Variants in ZFYVE26 observed in about 807,000 individuals in gnomAD.
The protein encoded by ZFYVE26 is zinc finger FYVE-type containing 26, also known as zinc finger FYVE domain-containing protein 26.
Under a neutral mutation model 276.5 loss-of-function variants are expected in ZFYVE26, and 181 were observed. That is an observed-to-expected ratio of 0.65 (90% CI 0.58 to 0.74). The LOEUF (loss-of-function observed/expected upper bound fraction) is 0.74, where lower values mean the gene tolerates loss of function less well. ZFYVE26 is among the 30% of genes least tolerant of loss of function. The probability of loss-of-function intolerance (pLI) is 0.00; values close to 1 mark genes in which losing one functional copy is unlikely to be tolerated. For missense variants in ZFYVE26, 2,821 were observed against 3,097.9 expected, an observed-to-expected ratio of 0.91 and a Z score of 2.12; for synonymous variants, 1,129 against 1,203.1, an observed-to-expected ratio of 0.94 and a Z score of 1.27.
chr14:67,797,261 A>T, intron 12 of ZFYVE26: 1 of 285,774 alleles, frequency 3.5e-6, no homozygotes, highest in South Asian at 3.7e-5. Context: ...TTTTTACTAC[A>T]GCACTGTTTA....
rs559530014 is a variant in ZFYVE26, at chr14:67,737,746, C to T, written n.2680-7927G>A. 1.4e-4 allele frequency among the ~76,000 whole-genome samples: 22 copies of T among 152,176 alleles called. No individual in the cohort carries two copies. The South Asian group carries it at 2.5e-3, about 17-fold the overall frequency. On this transcript the variant is annotated intron_variant and non_coding_transcript_variant, in intron 13 of 14. Transcript: ENST00000394455. ...CCCATATTTTTATTCATTTTTCTTTCGACTTGGGGTCTCGCTTTATTGCCC... is the reference window on the plus strand; with the variant it reads ...CCCATATTTTTATTCATTTTTCTTTTGACTTGGGGTCTCGCTTTATTGCCC...
At position 67,814,047 on chromosome 14, in the gene ZFYVE26, T is replaced by C. The variant is rs777114227; in HGVS notation, c.212A>G (p.Asn71Ser). The C allele has an allele frequency of 3.1e-6, 5 of 1,613,830 alleles. No homozygotes were observed. The highest frequency in any genetic ancestry group is 1.1e-5 in the South Asian group (1 of 91,056). ...CCAGACCCAGGCTACTCTTTGAGGG[T>C]TGATGTCCTGCCCACATCTGAAAAA... ...PNLLRCGQDINPQRVAWVWLL... is the reference protein window; with the variant it reads ...PNLLRCGQDISPQRVAWVWLL... Residue 71 changes from asparagine to serine, a missense_variant, in exon 3 of 42, where the codon AAC becomes AGC. Asn to Ser is a conservative substitution (Grantham distance 46). Transcript: ENST00000347230.
intron 13 of ZFYVE26, 140 bp downstream of exon 13, chr14:67,794,031 T>G (rs2039890253): frequency 1.0e-6 from 1 of 995,700 alleles, no homozygotes; most frequent in African/African-American, 1.6e-5. Flanking sequence ...TCCTTTCCCT[T>G]CTCCCAGCTA....
At chr14:67,810,673 C>T (rs1346027805) in intron 3 of ZFYVE26, among the ~76,000 whole-genome samples, 1 of 152,182 alleles carries the variant, frequency 6.6e-6, no homozygotes, top group Non-Finnish European at 1.5e-5. Flanking sequence ...TTCACAATAA[C>T]TTACCTTCAC....
At chr14:67,767,010 C>T (rs2039078430) in intron 31 of ZFYVE26, among the ~76,000 whole-genome samples, 1 of 152,056 alleles carries the variant, frequency 6.6e-6, no homozygotes, top group Non-Finnish European at 1.5e-5. Context: ...AGCCTTGTTA[C>T]CTACTTCTTG....
chr14:67,732,117 ACT>A (rs1448361225), intron 13 of ZFYVE26, among the ~76,000 whole-genome samples: 15 of 131,154 alleles, frequency 1.1e-4, no homozygotes, highest in African/African-American at 4.1e-4. Context: ...ACAGAATGAG[ACT>A]CTGTCTCAAA....
Position 67,739,302 on chromosome 14 carries a change from G to A in ZFYVE26, n.2680-9483C>T, listed in dbSNP as rs139725343. ...CCAAAAACTAGCGCACACGCCGAGG[G>A]TGGTGAAAGGAAAGATAGAGAGAAT... On this transcript the variant is annotated intron_variant and non_coding_transcript_variant, in intron 13 of 14. Transcript: ENST00000394455. Among the ~76,000 whole-genome samples, 687 of 152,262 alleles carry A rather than the reference G, an allele frequency of 4.5e-3. 1 individual carries two copies. Among genetic ancestry groups the A allele is most frequent in the Middle Eastern group, 0.02 (6 of 294 alleles).
rs2039116476 is a variant in ZFYVE26 at position 67,768,447 on chromosome 14, TGATATGCTGAA to T, written c.5653+59_5653+69del. 4 of 1,532,268 alleles carry T rather than the reference TGATATGCTGAA, an allele frequency of 2.6e-6. No homozygotes were observed. In the East Asian group the frequency reaches 9.0e-5, roughly 34 times the overall value. The allele number at this position is 1,532,268 out of a possible 1,614,324, so 94.9% of individuals were successfully genotyped here. A position where few individuals can be genotyped will look rare whatever the true frequency, so the allele number is the denominator to read the frequency against. ...GTTGGACAAGTATATCAGTCACAGC[TGATATGCTGAA>T]GATAGAGTCAACTTAAGTACACAAA... is the stretch of plus-strand genomic sequence containing the variant. On this transcript the variant is annotated intron_variant, in intron 30 of 41. Coordinates refer to ENST00000347230, the MANE Select transcript of ZFYVE26 (RefSeq NM_015346.4).
chr14:67,808,194 C>T (rs957112430), intron 4 of ZFYVE26, among the ~76,000 whole-genome samples: 1 of 152,090 alleles, frequency 6.6e-6, no homozygotes, highest in African/African-American at 2.4e-5. Flanking sequence ...CTCAATTGCC[C>T]AGGGCCTCCA....
chr14:67,793,762 G>A lies in ZFYVE26; in HGVS notation c.2402-3C>T, dbSNP rs750840814. ...AGACATGGCACTCAGACTTCCCTCT[G>A]TTGGGACACAAGAATGTGTGGGGCC... is the stretch of plus-strand genomic sequence containing the variant. On this transcript the variant is annotated splice_polypyrimidine_tract_variant and splice_region_variant and intron_variant, in intron 13 of 41. Transcript: ENST00000347230. 1.2e-6 allele frequency: 2 copies of A among 1,613,854 alleles called. No homozygotes were observed. The highest frequency in any genetic ancestry group is 1.7e-6 in the Non-Finnish European group (2 of 1,179,972).
intron 25 of ZFYVE26, 92 bp downstream of exon 25, chr14:67,777,467 G>A: frequency 6.3e-7 from 1 of 1,598,822 alleles, no homozygotes; most frequent in Non-Finnish European, 8.6e-7. Context: ...TAGGCTCGCA[G>A]TCTCTCCCTC....
At chr14:67,756,955 G>A (rs890562153) in intron 35 of ZFYVE26, among the ~76,000 whole-genome samples, 1 of 152,140 alleles carries the variant, frequency 6.6e-6, no homozygotes, top group African/African-American at 2.4e-5. Context: ...TCTTTCCACA[G>A]TCTTCCCTTT....
At chr14:67,811,885 TA>T (rs777542978) in intron 3 of ZFYVE26, among the ~76,000 whole-genome samples, 151 of 148,090 alleles carry the variant, frequency 1.0e-3, no homozygotes, top group Middle Eastern at 3.6e-3. Flanking sequence ...ATATAACAAA[TA>T]TAAAATATAT....
intron 27 of ZFYVE26, 107 bp downstream of exon 27, chr14:67,774,909 A>C: frequency 2.9e-6 from 2 of 700,224 alleles, no homozygotes; most frequent in South Asian, 3.3e-5. Context: ...ATAATGTTGT[A>C]ACTGGCAATG....
At chr14:67,797,325 T>A in intron 12 of ZFYVE26, 1 of 331,698 alleles carries the variant, frequency 3.0e-6, no homozygotes. Flanking sequence ...TTTCTGACAA[T>A]GGAATACTAA....
rs1169379795 is a variant in ZFYVE26 at position 67,807,614 on chromosome 14, T to A, written c.670A>T (p.Thr224Ser). The part of the protein sequence containing the change: ...VVDAIYGALR[T>S]LRCPAEPLGV... ...AGTGGTTCTGCGGGGCAACGCAGAG[T>A]CCGCAGGGCTCCATAGATGGCATCG... Residue 224 changes from threonine to serine, a missense_variant, in exon 5 of 42, where the codon ACT (threonine) becomes TCT (serine). Coordinates refer to ENST00000347230, the MANE Select transcript of ZFYVE26 (RefSeq NM_015346.4). 50 of 1,613,926 alleles carry A rather than the reference T, an allele frequency of 3.1e-5. No homozygotes were observed. The highest frequency in any genetic ancestry group is 4.2e-5 in the Non-Finnish European group (49 of 1,180,012).
chr14:67,761,638 G>A, intron 34 of ZFYVE26, 54 bp from the exon 35 acceptor site: 1 of 1,507,520 alleles, frequency 6.6e-7, no homozygotes, highest in Non-Finnish European at 9.1e-7. Context: ...TTCTCAGCAG[G>A]CACTGAAAAT....
At chr14:67,807,966 A>G in intron 4 of ZFYVE26, 46 bp from the exon 5 acceptor site, 1 of 1,609,168 alleles carries the variant, frequency 6.2e-7, no homozygotes, top group Non-Finnish European at 8.5e-7. Flanking sequence ...CATGCCTGGA[A>G]TGGTATCACT....
chr14:67,752,550 G>A, intron 39 of ZFYVE26, 24 bp from the exon 40 acceptor site: 9 of 1,613,762 alleles, frequency 5.6e-6, no homozygotes, highest in Non-Finnish European at 7.6e-6. Flanking sequence ...CAACATGATG[G>A]GCTTAGGAGC....
Sources: gnomAD v4.1 joint callset for allele counts (sites outside exome capture counted in the v4.1 genomes callset) on GRCh38, gnomAD v4.1.1 for gene constraint, MANE v1.5 for transcripts, NCBI Gene and HGNC (gene_info 2026-07-23, HGNC 2026-07-21) for gene names.